Variants in IPO11 observed in about 807,000 individuals in gnomAD.
The protein encoded by IPO11 is importin-11.
Under a neutral mutation model 143.2 loss-of-function variants are expected in IPO11, and 66 were observed. The observed-to-expected ratio is 0.46, with a 90% confidence interval of 0.38 to 0.57. The LOEUF is 0.57. Ranked by LOEUF, IPO11 falls within the 20% of genes least tolerant of loss-of-function variation. IPO11 has a pLI of 0.00. For synonymous variants in IPO11, 385 were observed against 377.8 expected, an observed-to-expected ratio of 1.02 and a Z score of -0.22; for missense variants, 1,026 against 1,141.0, an observed-to-expected ratio of 0.90 and a Z score of 1.45.
chr5:62,472,804 C>G (rs1745829322), intron 7 of IPO11, among the ~76,000 whole-genome samples: 1 of 152,152 alleles, frequency 6.6e-6, no homozygotes, highest in Non-Finnish European at 1.5e-5. Flanking sequence ...TCTGGGATTA[C>G]AGGCGTGAGC....
At chr5:62,470,450 G>T (rs192710289) in intron 7 of IPO11, 142 bp downstream of exon 7, 5 of 727,852 alleles carry the variant, frequency 6.9e-6, no homozygotes, top group Non-Finnish European at 1.2e-5. Flanking sequence ...CTGACTTTTA[G>T]ACTTCTGGTC....
At chr5:62,506,729 T>C (rs1413377404) in intron 19 of IPO11, among the ~76,000 whole-genome samples, 1 of 152,158 alleles carries the variant, frequency 6.6e-6, no homozygotes, top group African/African-American at 2.4e-5. Context: ...TTTTTTGCAG[T>C]CTGGTCTGCA....
At chr5:62,559,332 G>A (rs1471224851) in intron 26 of IPO11, among the ~76,000 whole-genome samples, 1 of 152,052 alleles carries the variant, frequency 6.6e-6, no homozygotes, top group Non-Finnish European at 1.5e-5. Flanking sequence ...AGTTGCAGGC[G>A]AAGGATAATG....
intron 29 of IPO11, among the ~76,000 whole-genome samples, chr5:62,604,227 G>T (rs959066066): frequency 1.3e-5 from 2 of 152,038 alleles, no homozygotes; most frequent in African/African-American, 4.8e-5. Context: ...GTTTTGTTTT[G>T]CAATGGAGTC....
Position 62,480,897 on chromosome 5 carries a change from T to G in IPO11, c.829-2204T>G, listed in dbSNP as rs559954524. On this transcript the variant is annotated intron_variant, in intron 9 of 29. Transcript: ENST00000325324. Reference sequence around the variant, plus strand: ...ATCTGCAAACAGGGACAATTTGACTTCCTCTTTCATTTTTTTTTTTTTTTT... The same window carrying G: ...ATCTGCAAACAGGGACAATTTGACTGCCTCTTTCATTTTTTTTTTTTTTTT... Among the ~76,000 whole-genome samples the G allele has an allele frequency of 7.4e-5, 11 of 149,466 alleles. No individual in the cohort carries two copies. In the East Asian group the frequency reaches 2.2e-3, roughly 29 times the overall value.
intron 29 of IPO11, among the ~76,000 whole-genome samples, chr5:62,603,418 T>A (rs1360346726): frequency 6.6e-6 from 1 of 151,286 alleles, no homozygotes. Flanking sequence ...CGCTGAAAGC[T>A]TTCATAGAGC....
intron 1 of IPO11, among the ~76,000 whole-genome samples, chr5:62,416,649 C>T (rs186969157): frequency 6.6e-6 from 1 of 151,978 alleles, no homozygotes. Context: ...CCATAACATT[C>T]AGTTACTCCT....
At chr5:62,516,583 C>T (rs1742028954) in intron 20 of IPO11, among the ~76,000 whole-genome samples, 2 of 152,116 alleles carry the variant, frequency 1.3e-5, no homozygotes, top group South Asian at 4.1e-4. Flanking sequence ...CATGAGCCAC[C>T]ATGCCCAGCC....
chr5:62,415,018 A>G (rs1397768708), intron 1 of IPO11, among the ~76,000 whole-genome samples: 1 of 152,190 alleles, frequency 6.6e-6, no homozygotes, highest in Non-Finnish European at 1.5e-5. Flanking sequence ...AGAGCTTGTT[A>G]TATTAAAAAC....
intron 19 of IPO11, among the ~76,000 whole-genome samples, chr5:62,507,336 T>G (rs1268061405): frequency 6.6e-6 from 1 of 152,240 alleles, no homozygotes; most frequent in African/African-American, 2.4e-5. Flanking sequence ...GTAATATCTG[T>G]GTGATTCTTA....
chr5:62,483,725 A>G (rs1483782242), intron 10 of IPO11, among the ~76,000 whole-genome samples: 1 of 152,142 alleles, frequency 6.6e-6, no homozygotes, highest in Non-Finnish European at 1.5e-5. Flanking sequence ...GGAGAGAGAA[A>G]CACATGCACA....
chr5:62,621,416 A>G (rs1433071833), intron 29 of IPO11, among the ~76,000 whole-genome samples: 1 of 152,226 alleles, frequency 6.6e-6, no homozygotes, highest in Admixed American at 6.5e-5. Flanking sequence ...GTTACCACAC[A>G]GGAACAGGAG....
chr5:62,526,965 C>T (rs186568786), intron 21 of IPO11, among the ~76,000 whole-genome samples: 11 of 152,304 alleles, frequency 7.2e-5, no homozygotes, highest in Non-Finnish European at 1.6e-4. Context: ...TGATTCTCTT[C>T]ATCCCTCCCT....
At chr5:62,435,076 A>ATATATGTATATATATGTG (rs1744127232) in intron 1 of IPO11, among the ~76,000 whole-genome samples, 4 of 108,614 alleles carry the variant, frequency 3.7e-5, no homozygotes, top group Non-Finnish European at 5.5e-5. Flanking sequence ...ATATATGTAT[A>ATATATGTATATATATGTG]TATATGTGTA....
chr5:62,516,331 T>G (rs558594944), intron 20 of IPO11, among the ~76,000 whole-genome samples: 1 of 152,200 alleles, frequency 6.6e-6, no homozygotes, highest in Non-Finnish European at 1.5e-5. Flanking sequence ...TCTCGCTCTG[T>G]TGCACAGGCT....
intron 12 of IPO11, 31 bp downstream of exon 12, chr5:62,485,493 G>A (rs1385260773): frequency 2.0e-6 from 3 of 1,521,256 alleles, no homozygotes; most frequent in Non-Finnish European, 2.7e-6. Flanking sequence ...AAATTGATAG[G>A]GGAAAGCTTA....
At position 62,567,473 on chromosome 5, in the gene IPO11, T is replaced by C. The variant is rs1438213558; in HGVS notation, c.2582+6216T>C. Among the ~76,000 whole-genome samples, 3 of 137,422 alleles carry C rather than the reference T, an allele frequency of 2.2e-5. No individual in the cohort carries two copies. In the East Asian group the frequency reaches 6.1e-4, roughly 28 times the overall value. The allele number at this position is 137,422 out of a possible 152,430, so 90.2% of individuals were successfully genotyped here. ...CTTTCTCTGGATTTGGAAAATTTTC[T>C]ATTATTATTATTATTATTATTATTT... On this transcript the variant is annotated intron_variant, in intron 27 of 29. Transcript: ENST00000325324.
chr5:62,609,178 G>A (rs1745840677), intron 29 of IPO11, among the ~76,000 whole-genome samples: 1 of 152,194 alleles, frequency 6.6e-6, no homozygotes, highest in Non-Finnish European at 1.5e-5. Flanking sequence ...CCAGGCACAT[G>A]CCTAGTTTAA....
At chr5:62,588,728 C>G (rs1481926597) in intron 27 of IPO11, among the ~76,000 whole-genome samples, 1 of 152,200 alleles carries the variant, frequency 6.6e-6, no homozygotes, top group Non-Finnish European at 1.5e-5. Context: ...TTGCCTGACT[C>G]AATTTCTCCA....
Sources: gnomAD v4.1 joint callset for allele counts (sites outside exome capture counted in the v4.1 genomes callset) on GRCh38, gnomAD v4.1.1 for gene constraint, MANE v1.5 for transcripts, NCBI Gene and HGNC (gene_info 2026-07-23, HGNC 2026-07-21) for gene names.